The following CORO2B variants were observed in gnomAD, a reference collection of about 807,000 sequenced individuals.
CORO2B encodes the protein coronin 2B.
In CORO2B, 26 loss-of-function variants were observed where a neutral mutation model predicts 58.8. That is an observed-to-expected ratio of 0.44 (90% CI 0.32 to 0.61). The LOEUF is 0.61. CORO2B is among the 20% of genes least tolerant of loss of function. CORO2B has a pLI of 0.04. For missense variants in CORO2B, 460 were observed against 645.1 expected (o/e 0.71, Z 3.11); for synonymous variants, 242 against 253.8 (o/e 0.95, Z 0.44).
intron 2 of CORO2B, among the ~76,000 whole-genome samples, chr15:68,670,360 T>C (rs183251578): frequency 6.6e-6 from 1 of 152,048 alleles, no homozygotes; most frequent in East Asian, 1.9e-4. Context: ...TTTTTTTTGG[T>C]AGAGACAGGG....
intron 3 of CORO2B, among the ~76,000 whole-genome samples, chr15:68,698,546 C>A (rs1467851086): frequency 6.6e-6 from 1 of 152,216 alleles, no homozygotes; most frequent in African/African-American, 2.4e-5. Flanking sequence ...AGCCAAGAGA[C>A]TCTGTTCAGT....
intron 1 of CORO2B, among the ~76,000 whole-genome samples, chr15:68,642,041 T>TTTC (rs1439417395): frequency 6.7e-6 from 1 of 148,272 alleles, no homozygotes; most frequent in East Asian, 2.0e-4. Flanking sequence ...GCCTCTTTTT[T>TTTC]TTTTTTTTTT....
intron 8 of CORO2B, among the ~76,000 whole-genome samples, chr15:68,716,044 G>A (rs972116126): frequency 6.6e-6 from 1 of 152,196 alleles, no homozygotes; most frequent in Admixed American, 6.5e-5. Flanking sequence ...ATTATGGACA[G>A]GGCCTGAGGG....
At chr15:68,690,220 C>G (rs1264794883) in intron 2 of CORO2B, among the ~76,000 whole-genome samples, 1 of 152,192 alleles carries the variant, frequency 6.6e-6, no homozygotes, top group Non-Finnish European at 1.5e-5. Flanking sequence ...CCAAAATTGG[C>G]AAACGCTATG....
the CORO2B span, among the ~76,000 whole-genome samples, chr15:68,559,431 G>C: frequency 5.3e-5 from 8 of 151,644 alleles, no homozygotes; most frequent in African/African-American, 1.9e-4. This position sits in a 1 kb window ranked among gnomAD's most constrained non-coding sequence, Gnocchi z 4.3. Context: ...CCTTGCGTCT[G>C]AATGGTTTGG....
chr15:68,679,617 T>A (rs11635636), intron 2 of CORO2B, among the ~76,000 whole-genome samples: 99,619 of 152,110 alleles, frequency 0.65, 33,379 homozygotes, highest in East Asian at 0.86. Context: ...TTGGCTCATG[T>A]GGAAACTGAA....
the CORO2B span, among the ~76,000 whole-genome samples, chr15:68,570,594 G>A: frequency 1.3e-5 from 2 of 152,160 alleles, no homozygotes; most frequent in African/African-American, 2.4e-5. Flanking sequence ...CCCCAAATAC[G>A]AAAGTTGAAG....
At position 68,725,921 on chromosome 15, in the gene CORO2B, C is replaced by A. The variant is rs146678597; in HGVS notation, c.1390C>A (p.Arg464=). 1.1e-5 allele frequency: 18 copies of A among 1,613,926 alleles called. No homozygotes were observed. The highest frequency in any genetic ancestry group is 1.5e-5 in the Non-Finnish European group (18 of 1,180,032). ...GCTGGCCCAGAAGGACATCCGCATT[C>A]GGCAGCTCCAGCTGGAACTGAAAAA... The part of the protein sequence containing the change: ...EELAQKDIRI[R]QLQLELKNLR... Residue 464 remains arginine, a synonymous_variant, in exon 12 of 12, where the codon CGG becomes AGG. Transcript: ENST00000261861.
intron 2 of CORO2B, 125 bp from the exon 3 acceptor site, chr15:68,695,015 C>A: frequency 1.4e-6 from 1 of 703,610 alleles, no homozygotes; most frequent in Non-Finnish European, 2.4e-6. Context: ...AAAAATAAAA[C>A]ACAGGTGATT....
At chr15:68,606,328 G>A (rs918569016) in intron 1 of CORO2B, among the ~76,000 whole-genome samples, 3 of 152,136 alleles carry the variant, frequency 2.0e-5, no homozygotes, top group African/African-American at 7.2e-5. Context: ...GAATCACCTG[G>A]AGATCCCTCC....
chr15:68,611,716 CAT>C lies in CORO2B; in HGVS notation c.15+32442_15+32443del, dbSNP rs941111299. Reference sequence around the variant, plus strand: ...TAATAGTTTATTTTATGAACATAAACATATTTTATTAGCCTCTTATGTTAGAC... The same window carrying C: ...TAATAGTTTATTTTATGAACATAAACATTTTATTAGCCTCTTATGTTAGAC... On this transcript the variant is annotated intron_variant, in intron 1 of 11. Coordinates refer to ENST00000261861, the MANE Select transcript of CORO2B (RefSeq NM_006091.5). Among the ~76,000 whole-genome samples, 10 of 151,488 alleles carry C rather than the reference CAT, an allele frequency of 6.6e-5. No individual in the cohort carries two copies. The South Asian group carries it at 1.5e-3, about 22-fold the overall frequency.
chr15:68,551,458 G>C, the CORO2B span, among the ~76,000 whole-genome samples: 2 of 152,170 alleles, frequency 1.3e-5, no homozygotes, highest in Non-Finnish European at 2.9e-5. Flanking sequence ...CACCACAACT[G>C]TTCCCGGAGG....
chr15:68,599,408 A>G (rs1899918486), intron 1 of CORO2B, among the ~76,000 whole-genome samples: 1 of 152,308 alleles, frequency 6.6e-6, no homozygotes, highest in East Asian at 1.9e-4. Context: ...GTTCAATTAC[A>G]GGTTTTTGAA....
chr15:68,619,745 G>A (rs1023251826), intron 1 of CORO2B, among the ~76,000 whole-genome samples: 4 of 150,876 alleles, frequency 2.7e-5, no homozygotes, highest in African/African-American at 9.8e-5. Context: ...ATATATGAGT[G>A]CGTGCATGCG....
At chr15:68,525,279 T>A in the CORO2B span, among the ~76,000 whole-genome samples, 1 of 152,208 alleles carries the variant, frequency 6.6e-6, no homozygotes, top group Non-Finnish European at 1.5e-5. Flanking sequence ...GGGGGACAGA[T>A]ACAAACTTCA....
At chr15:68,671,722 G>A (rs1383752705) in intron 2 of CORO2B, among the ~76,000 whole-genome samples, 3 of 152,198 alleles carry the variant, frequency 2.0e-5, no homozygotes, top group African/African-American at 4.8e-5. Context: ...TCTCTCCATA[G>A]GCTAAGTGTT....
intron 1 of CORO2B, among the ~76,000 whole-genome samples, chr15:68,593,540 G>T (rs555039506): frequency 3.9e-5 from 6 of 152,148 alleles, no homozygotes; most frequent in Non-Finnish European, 8.8e-5. Flanking sequence ...AGACACTTGT[G>T]ACTGAGCTGG....
chr15:68,641,614 G>C, intron 1 of CORO2B: 1 of 985,106 alleles, frequency 1.0e-6, no homozygotes, highest in Non-Finnish European at 1.2e-6. Context: ...TGCCGGGTGG[G>C]CTCAGGAGAG....
intron 1 of CORO2B, chr15:68,641,444 A>C: frequency 1.3e-6 from 1 of 795,250 alleles, no homozygotes; most frequent in Non-Finnish European, 1.5e-6. Context: ...TTTGGGGGAG[A>C]GAGGAAAGAA....
Sources: gnomAD v4.1 joint callset for allele counts (sites outside exome capture counted in the v4.1 genomes callset) on GRCh38, gnomAD v4.1.1 for gene constraint, Gnocchi (gnomAD v3.1) non-coding constraint, MANE v1.5 for transcripts, NCBI Gene and HGNC (gene_info 2026-07-23, HGNC 2026-07-21) for gene names.